SEMA3A: variants seen among roughly 807,000 people sequenced by gnomAD.
The protein encoded by SEMA3A is semaphorin-3A.
In SEMA3A, 29 loss-of-function variants were observed where a neutral mutation model predicts 97.9. The ratio of observed to expected loss-of-function variants is 0.30; its 90% CI spans 0.22 to 0.40. SEMA3A has a LOEUF of 0.40. Ranked by LOEUF, SEMA3A falls within the 10% of genes least tolerant of loss-of-function variation. SEMA3A has a pLI of 1.00. For synonymous variants in SEMA3A, 321 were observed against 323.7 expected (o/e 0.99, Z 0.09); for missense variants, 763 against 951.3 (o/e 0.80, Z 2.60).
At chr7:84,293,796 C>T (rs939393666) in intron 3 of SEMA3A, among the ~76,000 whole-genome samples, 13 of 151,816 alleles carry the variant, frequency 8.6e-5, no homozygotes, top group African/African-American at 1.2e-4. Context: ...AAAAACAATC[C>T]GTATATGAAC....
intron 5 of SEMA3A, among the ~76,000 whole-genome samples, chr7:84,049,700 T>C (rs73187479): frequency 0.049 from 7,348 of 149,200 alleles, 285 homozygotes; most frequent in East Asian, 0.19. Context: ...ATGTTGATTC[T>C]TTTTTTTTTC....
intron 4 of SEMA3A, among the ~76,000 whole-genome samples, chr7:84,102,257 T>C (rs1390711767): frequency 2.0e-5 from 3 of 152,204 alleles, no homozygotes; most frequent in South Asian, 2.1e-4. Context: ...AGTGTGACTA[T>C]TAAAGTGTGC....
intron 2 of SEMA3A, among the ~76,000 whole-genome samples, chr7:84,370,985 T>C (rs867876140): frequency 4.0e-4 from 60 of 151,072 alleles, no homozygotes; most frequent in African/African-American, 1.4e-3. Flanking sequence ...AACATGAGAA[T>C]GGATGATGGA....
At chr7:84,490,042 A>C (rs1166824763) in intron 1 of SEMA3A, among the ~76,000 whole-genome samples, 3 of 151,984 alleles carry the variant, frequency 2.0e-5, no homozygotes, top group Non-Finnish European at 4.4e-5. Flanking sequence ...ACAGGGACAC[A>C]AAATGCATAA....
chr7:84,480,065 A>C (rs1376875270), intron 1 of SEMA3A, among the ~76,000 whole-genome samples: 1 of 152,250 alleles, frequency 6.6e-6, no homozygotes, highest in Non-Finnish European at 1.5e-5. Flanking sequence ...TGACAACATG[A>C]TTAATTAGAT....
intron 3 of SEMA3A, among the ~76,000 whole-genome samples, chr7:84,304,513 T>G (rs535020923): frequency 2.4e-4 from 37 of 152,132 alleles, no homozygotes; most frequent in Middle Eastern, 6.8e-3. Context: ...GAATATACTT[T>G]CAAAACTAAC....
intron 1 of SEMA3A, among the ~76,000 whole-genome samples, chr7:84,143,429 T>C (rs1273817274): frequency 6.6e-6 from 1 of 152,002 alleles, no homozygotes; most frequent in Non-Finnish European, 1.5e-5. Context: ...TCTCTCCATA[T>C]ATTTCAAGTA....
rs1802044529 is a variant in SEMA3A, at chr7:84,336,643, C to G, written c.-168-29351G>C. On this transcript the variant is annotated intron_variant, in intron 2 of 3. Transcript: ENST00000424555. ...GAGAAATGTGCTGAAGGAGGAGGAACCAGAATGCCAGGAATGCCTTGTTAT... is the reference window on the plus strand; with the variant it reads ...GAGAAATGTGCTGAAGGAGGAGGAAGCAGAATGCCAGGAATGCCTTGTTAT... 2.0e-5 allele frequency among the ~76,000 whole-genome samples: 3 copies of G among 152,156 alleles called. No individual in the cohort carries two copies. The South Asian group carries it at 6.2e-4, about 32-fold the overall frequency.
chr7:84,244,703 T>A (rs907199832), intron 3 of SEMA3A, among the ~76,000 whole-genome samples: 1 of 152,048 alleles, frequency 6.6e-6, no homozygotes, highest in East Asian at 1.9e-4. Context: ...TACAATTTTG[T>A]GTTTTTTTAG....
At position 84,129,031 on chromosome 7, in the gene SEMA3A, C is replaced by A. The variant is rs6955597; in HGVS notation, c.333+92G>T. 2.0e-3 allele frequency: 2,007 copies of A among 997,558 alleles called. 17 individuals carry two copies. Among genetic ancestry groups the A allele is most frequent in the African/African-American group, 0.02 (1,253 of 62,306 alleles). The allele number at this position is 997,558 out of a possible 1,614,324, so 61.8% of individuals were successfully genotyped here. On this transcript the variant is annotated intron_variant, in intron 3 of 16. Transcript: ENST00000265362. ...GATTCTAACCCCTTCCCCACACACACAAAAAAATCAGAAATTTGAAACACT... is the reference window on the plus strand; with the variant it reads ...GATTCTAACCCCTTCCCCACACACAAAAAAAAATCAGAAATTTGAAACACT...
chr7:84,418,291 C>T (rs1409677398), intron 1 of SEMA3A, among the ~76,000 whole-genome samples: 1 of 152,134 alleles, frequency 6.6e-6, no homozygotes, highest in Non-Finnish European at 1.5e-5. Flanking sequence ...AGCAAAGTCA[C>T]ATCTGACATG....
At chr7:83,993,400 C>T (rs188598466) in intron 12 of SEMA3A, among the ~76,000 whole-genome samples, 11 of 151,692 alleles carry the variant, frequency 7.3e-5, no homozygotes, top group African/African-American at 2.7e-4. Context: ...GATGCAGTTT[C>T]TTCCTAGTCT....
At chr7:84,421,267 T>C (rs1025162242) in intron 1 of SEMA3A, among the ~76,000 whole-genome samples, 1 of 152,038 alleles carries the variant, frequency 6.6e-6, no homozygotes, top group African/African-American at 2.4e-5. Context: ...AAAAATTTTA[T>C]ATCCAGCAAA....
chr7:84,424,867 T>C (rs186828595), intron 1 of SEMA3A, among the ~76,000 whole-genome samples: 13 of 75,164 alleles, frequency 1.7e-4, no homozygotes, highest in Admixed American at 7.4e-4. Context: ...TTTATATAAA[T>C]ATAAATATAT....
At chr7:84,218,918 T>C (rs376698484) in intron 3 of SEMA3A, among the ~76,000 whole-genome samples, 1 of 152,238 alleles carries the variant, frequency 6.6e-6, no homozygotes, top group East Asian at 1.9e-4. Context: ...CAACAGGAAA[T>C]TGACGACTCA....
At position 84,318,636 on chromosome 7, in the gene SEMA3A, A is replaced by C. The variant is rs186515020; in HGVS notation, c.-168-11344T>G. On this transcript the variant is annotated intron_variant, in intron 2 of 3. Transcript: ENST00000424555. ...CGCGCCCGGCCGATTTCTTGGTTTTATACTCAATGAGATTGATAGAACAGA... is the reference window on the plus strand; with the variant it reads ...CGCGCCCGGCCGATTTCTTGGTTTTCTACTCAATGAGATTGATAGAACAGA... 2.0e-3 allele frequency among the ~76,000 whole-genome samples: 307 copies of C among 152,240 alleles called. 2 individuals are homozygous for C. Among genetic ancestry groups the C allele is most frequent in the Non-Finnish European group, 2.2e-3 (153 of 68,004 alleles).
chr7:84,264,961 G>C (rs188451837), intron 3 of SEMA3A, among the ~76,000 whole-genome samples: 12 of 152,150 alleles, frequency 7.9e-5, no homozygotes, highest in Middle Eastern at 3.4e-3. Flanking sequence ...TTCTCTCCCA[G>C]TCATCAGTCT....
intron 4 of SEMA3A, among the ~76,000 whole-genome samples, chr7:84,098,818 T>C (rs979389071): frequency 6.6e-6 from 1 of 152,138 alleles, no homozygotes; most frequent in East Asian, 1.9e-4. Flanking sequence ...GATGATATAC[T>C]GGCTGTGTGA....
At chr7:84,197,966 C>A (rs1035845380), upstream of SEMA3A, among the ~76,000 whole-genome samples, 1 of 151,970 alleles carries the variant, frequency 6.6e-6, no homozygotes, top group Non-Finnish European at 1.5e-5. Context: ...TCTCAAACTC[C>A]TGAACTCAGG....
Sources: gnomAD v4.1 joint callset for allele counts (sites outside exome capture counted in the v4.1 genomes callset) on GRCh38, gnomAD v4.1.1 for gene constraint, MANE v1.5 for transcripts, NCBI Gene and HGNC (gene_info 2026-07-23, HGNC 2026-07-21) for gene names.